Variants in WDR3 observed in about 807,000 individuals in gnomAD.
WDR3 encodes WD repeat-containing protein 3.
WDR3 carries 81 observed loss-of-function variants against 123.7 expected under a neutral mutation model. The observed-to-expected ratio is 0.65, with a 90% confidence interval of 0.55 to 0.79. The LOEUF (loss-of-function observed/expected upper bound fraction) is 0.79. Among genes scored for constraint, WDR3 ranks in the 30% least tolerant of loss-of-function variants. WDR3 has a pLI of 0.00. For synonymous variants in WDR3, 390 were observed against 388.8 expected (o/e 1.00, Z -0.04); for missense variants, 1,027 against 1,123.2 (o/e 0.91, Z 1.22).
chr1:117,954,429 C>A, intron 22 of WDR3, 151 bp from the exon 23 acceptor site: 1 of 717,290 alleles, frequency 1.4e-6, no homozygotes, highest in Non-Finnish European at 2.2e-6. Context: ...TAGAAACTAA[C>A]AGGTTTGATA....
At position 117,933,289 on chromosome 1, in the gene WDR3, TTGCTTCAC is replaced by T; in HGVS notation, c.-30_-23del. 6.2e-7 allele frequency: 1 copy of T among 1,611,330 alleles called. No individual in the cohort carries two copies. Among genetic ancestry groups the T allele is most frequent in the Non-Finnish European group, 8.5e-7 (1 of 1,177,958 alleles). On this transcript the variant is annotated splice_region_variant and 5_prime_UTR_variant, in exon 2 of 27. Coordinates refer to ENST00000349139, the MANE Select transcript of WDR3 (RefSeq NM_006784.3). ...AGTTTTCTTTGTTTATATGCACAGATTGCTTCACCTGTGGTATCAGACATCACAACATG... is the reference window on the plus strand; with the variant it reads ...AGTTTTCTTTGTTTATATGCACAGATCTGTGGTATCAGACATCACAACATG...
intron 12 of WDR3, 112 bp from the exon 13 acceptor site, chr1:117,948,293 T>C: frequency 1.3e-6 from 1 of 793,994 alleles, no homozygotes; most frequent in African/African-American, 1.7e-5. Flanking sequence ...TCCTAAGCAA[T>C]GGATCACATT....
chr1:117,953,695 C>G (rs1651759627), intron 21 of WDR3, among the ~76,000 whole-genome samples, 154 bp downstream of exon 21: 1 of 152,038 alleles, frequency 6.6e-6, no homozygotes, highest in African/African-American at 2.4e-5. Context: ...TCTCTTGTAA[C>G]CAAAGATGGG....
rs369565430 is a variant in WDR3 at position 117,954,359 on chromosome 1, A to C, written c.2362-221A>C. Among the ~76,000 whole-genome samples the C allele has an allele frequency of 2.5e-4, 38 of 152,244 alleles. No homozygotes were observed. In the East Asian group the frequency reaches 5.6e-3, roughly 22 times the overall value. ...CACGTTCTATGTTGGTTTGGGAGGC[A>C]GGGTAACCATTTCAGATTTCTAGAT... On this transcript the variant is annotated intron_variant, in intron 22 of 26. Coordinates refer to ENST00000349139, the MANE Select transcript of WDR3 (RefSeq NM_006784.3).
intron 16 of WDR3, 106 bp downstream of exon 16, chr1:117,950,996 C>A: frequency 2.3e-6 from 2 of 866,736 alleles, no homozygotes; most frequent in Non-Finnish European, 3.6e-6. Flanking sequence ...TTTTTATCAT[C>A]ATTCTGTTAT....
chr1:117,956,776 A>T (rs1381859767), intron 24 of WDR3, among the ~76,000 whole-genome samples: 1 of 152,238 alleles, frequency 6.6e-6, no homozygotes, highest in Admixed American at 6.5e-5. Context: ...AAAGAATATC[A>T]TATGAAGATG....
intron 11 of WDR3, among the ~76,000 whole-genome samples, 157 bp downstream of exon 11, chr1:117,943,783 G>A (rs1415873314): frequency 6.7e-6 from 1 of 149,278 alleles, no homozygotes; most frequent in Non-Finnish European, 1.5e-5. Context: ...AGAAGAAAAA[G>A]TTGCCTTTTA....
chr1:117,942,324 CT>C, intron 9 of WDR3, 112 bp from the exon 10 acceptor site: 1 of 839,910 alleles, frequency 1.2e-6, no homozygotes, highest in Non-Finnish European at 2.0e-6. Context: ...GGTTAAGTGA[CT>C]TTTCCAGAAT....
intron 16 of WDR3, among the ~76,000 whole-genome samples, chr1:117,951,430 C>G (rs1219741960): frequency 6.7e-6 from 1 of 148,212 alleles, no homozygotes; most frequent in South Asian, 2.1e-4. Flanking sequence ...AAAGTCTATT[C>G]TGTGTGAAAG....
At position 117,942,543 on chromosome 1, in the gene WDR3, A is replaced by G. The variant is rs149059900; in HGVS notation, c.1096A>G (p.Lys366Glu). ...TAATATAAAAACTTCTGCCAAAATCAAGTGAGTAAAAATAAATTATCTGAA... is the reference window on the plus strand; with the variant it reads ...TAATATAAAAACTTCTGCCAAAATCGAGTGAGTAAAAATAAATTATCTGAA... ...VTNIKTSAKI[K>E]SFDLIHSPHG... The change falls in exon 10 of 27, where the codon AAG (lysine) becomes GAG (glutamate). Residue 366 changes from lysine to glutamate, a missense_variant and splice_region_variant. Physicochemically the swap from Lys to Glu is moderately conservative, Grantham distance 56. Transcript: ENST00000349139. 1.2e-6 allele frequency: 2 copies of G among 1,611,246 alleles called. No individual in the cohort carries two copies. The highest frequency in any genetic ancestry group is 1.7e-6 in the Non-Finnish European group (2 of 1,178,120).
Position 117,958,895 on chromosome 1 carries a change from T to C in WDR3, c.2583-15T>C, listed in dbSNP as rs1291106433. 1 of 1,612,094 alleles carries C rather than the reference T, an allele frequency of 6.2e-7. No homozygotes were observed. Among genetic ancestry groups the C allele is most frequent in the East Asian group, 2.2e-5 (1 of 44,826 alleles). On this transcript the variant is annotated splice_polypyrimidine_tract_variant and intron_variant, in intron 25 of 26. Coordinates refer to ENST00000349139, the MANE Select transcript of WDR3 (RefSeq NM_006784.3). Reference sequence around the variant, plus strand: ...AACCTCTCTGCAACATGGCTGTGTTTTGTTTTTCTATCAGGATTCACTTTG... The same window carrying C: ...AACCTCTCTGCAACATGGCTGTGTTCTGTTTTTCTATCAGGATTCACTTTG...
intron 23 of WDR3, 89 bp downstream of exon 23, chr1:117,954,716 AT>A: frequency 7.5e-7 from 1 of 1,325,860 alleles, no homozygotes; most frequent in Non-Finnish European, 1.1e-6. Context: ...TGATTTGGGG[AT>A]GGATTATTGG....
chr1:117,948,311 C>G (rs191201814), intron 12 of WDR3, 94 bp from the exon 13 acceptor site: 6 of 1,023,438 alleles, frequency 5.9e-6, no homozygotes, highest in Non-Finnish European at 8.8e-6. Context: ...ATTTTTGCAG[C>G]TTGGTTATGA....
At position 117,959,552 on chromosome 1, in the gene WDR3, G is replaced by T. The variant is rs1307655233; in HGVS notation, c.*105G>T. 8.9e-6 allele frequency: 11 copies of T among 1,230,954 alleles called. No individual in the cohort carries two copies. Among genetic ancestry groups the T allele is most frequent in the Non-Finnish European group, 1.2e-5 (11 of 919,476 alleles). 76.3% of individuals were successfully genotyped at this position (1,230,954 alleles called of 1,614,324 possible). ...ATCTTAAAAATACCAAATAACAGAA[G>T]ATCGCATTGCAGATGATATCAGGAT... On this transcript the variant is annotated 3_prime_UTR_variant, in exon 27 of 27. Coordinates refer to ENST00000349139, the MANE Select transcript of WDR3 (RefSeq NM_006784.3).
chr1:117,930,494 CG>C (rs1650673423), intron 1 of WDR3, among the ~76,000 whole-genome samples: 1 of 152,106 alleles, frequency 6.6e-6, no homozygotes, highest in South Asian at 2.1e-4. Flanking sequence ...TCGAGAAATA[CG>C]GGGGTTAGAT....
chr1:117,955,186 C>A, intron 23 of WDR3, 129 bp from the exon 24 acceptor site: 2 of 704,970 alleles, frequency 2.8e-6, no homozygotes, highest in South Asian at 4.5e-5. Context: ...TCATGCAGAT[C>A]TTGCCATTTT....
At chr1:117,940,195 A>T (rs1209958054) in intron 6 of WDR3, among the ~76,000 whole-genome samples, 3 of 152,222 alleles carry the variant, frequency 2.0e-5, no homozygotes, top group Admixed American at 6.5e-5. Context: ...GAAAATTTTG[A>T]AGTTAGTGAA....
intron 10 of WDR3, 73 bp from the exon 11 acceptor site, chr1:117,943,322 GC>G: frequency 7.8e-7 from 1 of 1,280,994 alleles, no homozygotes; most frequent in South Asian, 1.4e-5. Flanking sequence ...ACATTGTAAA[GC>G]CTTTTCCTGG....
In WDR3 at chr1:117,952,665, A is replaced by G. The variant is rs761098211; in HGVS notation, c.2151+3A>G. ...TTCTTGAGGAAGAAAGGGAGATGGT[A>G]AGAACTTTAGGCTTGGTTACAAATA... is the stretch of plus-strand genomic sequence containing the variant. On this transcript the variant is annotated splice_donor_region_variant and intron_variant, in intron 19 of 26. Coordinates refer to ENST00000349139, the MANE Select transcript of WDR3 (RefSeq NM_006784.3). 3.1e-6 allele frequency: 5 copies of G among 1,611,424 alleles called. No homozygotes were observed. Among genetic ancestry groups the G allele is most frequent in the Non-Finnish European group, 4.2e-6 (5 of 1,178,950 alleles).
Sources: allele counts gnomAD v4.1 joint callset (sites outside exome capture counted in the v4.1 genomes callset), GRCh38; gene constraint gnomAD v4.1.1; transcripts MANE v1.5; gene names NCBI Gene and HGNC (gene_info 2026-07-23, HGNC 2026-07-21).